ZNF660: variants seen among roughly 807,000 people sequenced by gnomAD.
ZNF660 encodes the protein zinc finger protein 660.
Under a neutral mutation model 23.2 loss-of-function variants are expected in ZNF660, and 24 were observed. That is an observed-to-expected ratio of 1.04 (90% CI 0.75 to 1.46). The LOEUF (loss-of-function observed/expected upper bound fraction) is 1.46, where lower values mean the gene tolerates loss of function less well. ZNF660 is among the 40% of genes most tolerant of loss of function. The probability of loss-of-function intolerance (pLI) is 0.00; values close to 1 mark genes in which losing one functional copy is unlikely to be tolerated. For missense variants in ZNF660, 373 were observed against 396.8 expected, an observed-to-expected ratio of 0.94 and a Z score of 0.51; for synonymous variants, 117 against 131.4, an observed-to-expected ratio of 0.89 and a Z score of 0.75.
Position 44,595,080 on chromosome 3 carries a change from A to C in ZNF660, c.887A>C (p.His296Pro). 1 of 1,614,026 alleles carries C rather than the reference A, an allele frequency of 6.2e-7. No homozygotes were observed. The highest frequency in any genetic ancestry group is 8.5e-7 in the Non-Finnish European group (1 of 1,180,016). ...TSQVILHLRT[H>P]TKEKPYKCSE... The stretch of plus-strand genomic sequence containing the variant: ...CAAGTTATTCTACACTTGAGAACCC[A>C]CACTAAGGAGAAACCCTATAAATGT... Residue 296 changes from histidine (H) to proline (P), a missense_variant, in exon 3 of 3, where the codon CAC (histidine) becomes CCC (proline). By Grantham distance (77) the His-to-Pro change is moderately conservative (BLOSUM62 -2). Coordinates refer to ENST00000322734, the MANE Select transcript of ZNF660 (RefSeq NM_173658.4).
rs1700596434 is a variant in ZNF660, at chr3:44,596,042, T to G, written c.*853T>G. ...TGGAGAACTACCTAGGCTTCATCTT[T>G]TCAACATATGTCTACACAACCAGAA... On this transcript the variant is annotated 3_prime_UTR_variant, in exon 3 of 3. Coordinates refer to ENST00000322734, the MANE Select transcript of ZNF660 (RefSeq NM_173658.4). The G allele has an allele frequency of 6.0e-6, 1 of 166,898 alleles. No homozygotes were observed. The highest frequency in any genetic ancestry group is 2.1e-4 in the South Asian group (1 of 4,832). The allele number at this position is 166,898 out of a possible 1,614,324, so 10.3% of individuals were successfully genotyped here.
chr3:44,585,472 C>T (rs1700199873), intron 1 of ZNF660, among the ~76,000 whole-genome samples: 1 of 152,132 alleles, frequency 6.6e-6, no homozygotes, highest in African/African-American at 2.4e-5. Context: ...GAGCACTAAC[C>T]CAGTAGTGTG....
At chr3:44,588,055 CAGAAAAAAAGAA>C (rs1490655679) in intron 2 of ZNF660, among the ~76,000 whole-genome samples, 1 of 148,494 alleles carries the variant, frequency 6.7e-6, no homozygotes, top group African/African-American at 2.4e-5. Flanking sequence ...AACTTCGTCT[CAGAAAAAAAGAA>C]AGAAAGAAAG....
At position 44,597,415 on chromosome 3, in the gene ZNF660, T is replaced by C. The variant is rs76760855; in HGVS notation, c.*2226T>C. 6.6e-4 allele frequency: 101 copies of C among 152,330 alleles called. No individual in the cohort carries two copies. Among genetic ancestry groups the C allele is most frequent in the African/African-American group, 2.4e-3 (99 of 41,564 alleles). 9.4% of individuals were successfully genotyped at this position (152,330 alleles called of 1,614,324 possible). A position where few individuals can be genotyped will look rare whatever the true frequency, so the allele number is the denominator to read the frequency against. On this transcript the variant is annotated 3_prime_UTR_variant, in exon 3 of 3. Coordinates refer to ENST00000322734, the MANE Select transcript of ZNF660 (RefSeq NM_173658.4). The surrounding 1 kb of genome is among the most constrained non-coding windows in gnomAD (Gnocchi z 4.1). ...TTTTAAGGTATATATATTTCTTTCT[T>C]GCTGTTACCGGAAAGAAAGAAGTGA...
At chr3:44,591,777 C>T (rs941949203) in intron 2 of ZNF660, among the ~76,000 whole-genome samples, 5 of 152,090 alleles carry the variant, frequency 3.3e-5, no homozygotes, top group African/African-American at 4.8e-5. Context: ...GGTGGATCAC[C>T]TGAGGTCAGG....
rs774268726 is a variant in ZNF660, at chr3:44,594,664, C to T, written c.471C>T (p.Thr157=). Residue 157 remains threonine (T), a synonymous_variant, in exon 3 of 3, where the codon ACC becomes ACT. Transcript: ENST00000322734. ...TTATATCACATCACAGAGTTCACAC[C>T]GGAGAGAAGCCCTATTCTTGTATTG... is the stretch of plus-strand genomic sequence containing the variant. ...SGLISHHRVH[T]GEKPYSCIEC... 5.4e-5 allele frequency: 87 copies of T among 1,612,354 alleles called. No homozygotes were observed. The highest frequency in any genetic ancestry group is 3.3e-4 in the Middle Eastern group (2 of 6,062).
In ZNF660 at chr3:44,589,537, G is replaced by C. The variant is rs116514972; in HGVS notation, c.-181+3324G>C. ...AATGTTCTGGGAGGTGGTAGTGGAG[G>C]AACTATGGGAACTAGGGGAAGTGCA... is the stretch of plus-strand genomic sequence containing the variant. On this transcript the variant is annotated intron_variant, in intron 2 of 2. Coordinates refer to ENST00000322734, the MANE Select transcript of ZNF660 (RefSeq NM_173658.4). Among the ~76,000 whole-genome samples the C allele has an allele frequency of 9.3e-3, 1,409 of 152,236 alleles. 26 individuals are homozygous for C. Among genetic ancestry groups the C allele is most frequent in the African/African-American group, 0.033 (1,356 of 41,510 alleles).
At chr3:44,585,821 G>A (rs1184802062) in intron 1 of ZNF660, among the ~76,000 whole-genome samples, 2 of 152,172 alleles carry the variant, frequency 1.3e-5, no homozygotes, top group Non-Finnish European at 2.9e-5. Flanking sequence ...GAATATGGAA[G>A]CTTTTAGATA....
intron 2 of ZNF660, among the ~76,000 whole-genome samples, chr3:44,591,131 T>G (rs1271654228): frequency 6.6e-6 from 1 of 152,070 alleles, no homozygotes; most frequent in Non-Finnish European, 1.5e-5. Flanking sequence ...TGGAAATTGG[T>G]CAAACTTTTT....
chr3:44,586,581 A>C (rs369046613), intron 2 of ZNF660: 1 of 152,170 alleles, frequency 6.6e-6, no homozygotes. Context: ...GACCAGGTCA[A>C]TCTCTTAGGG....
rs1368632548 is a variant in ZNF660, at chr3:44,596,743, GCTTT to G, written c.*1557_*1560del. 1 of 152,172 alleles carries G rather than the reference GCTTT, an allele frequency of 6.6e-6. No homozygotes were observed. Among genetic ancestry groups the G allele is most frequent in the Non-Finnish European group, 1.5e-5 (1 of 68,040 alleles). 9.4% of individuals were successfully genotyped at this position (152,172 alleles called of 1,614,324 possible). On this transcript the variant is annotated 3_prime_UTR_variant, in exon 3 of 3. Coordinates refer to ENST00000322734, the MANE Select transcript of ZNF660 (RefSeq NM_173658.4). The stretch of plus-strand genomic sequence containing the variant: ...ATTGGGAACTGGAAAAGGAGCTGAG[GCTTT>G]CTCATCTGGTTTCTTCCTTTTGTCA...
In ZNF660 at chr3:44,594,207, C is replaced by T; in HGVS notation, c.14C>T (p.Thr5Ile). Residue 5 changes from threonine (T) to isoleucine (I), a missense_variant, in exon 3 of 3, where the codon ACA becomes ATA. Physicochemically the swap from Thr to Ile is moderately conservative, Grantham distance 89 (BLOSUM62 -1). Transcript: ENST00000322734. MRRK[T>I]RNFKHKTVKD... is the part of the protein sequence containing the mutation. ...AAGCAGGAGAAAATGAGGAGAAAGA[C>T]AAGAAATTTCAAACATAAGACAGTT... 1 of 1,613,064 alleles carries T rather than the reference C, an allele frequency of 6.2e-7. No homozygotes were observed. The highest frequency in any genetic ancestry group is 8.5e-7 in the Non-Finnish European group (1 of 1,179,724).
intron 2 of ZNF660, chr3:44,586,849 C>T (rs1700238529): frequency 6.6e-6 from 1 of 152,180 alleles, no homozygotes. Flanking sequence ...GTGGTATCTA[C>T]AGGCAAATCT....
rs1238889879 is a variant in ZNF660 at position 44,595,272 on chromosome 3, A to G, written c.*83A>G. 2 of 1,407,446 alleles carry G rather than the reference A, an allele frequency of 1.4e-6. No individual in the cohort carries two copies. Among genetic ancestry groups the G allele is most frequent in the East Asian group, 4.7e-5 (2 of 42,936 alleles). The allele number at this position is 1,407,446 out of a possible 1,614,324, so 87.2% of individuals were successfully genotyped here. On this transcript the variant is annotated 3_prime_UTR_variant, in exon 3 of 3. Transcript: ENST00000322734. ...AGTATCAACTTTAATTCTACTTCTA[A>G]GAATCATACTCTACTTCTAAGAAAA...
chr3:44,592,330 C>A (rs1700453460), intron 2 of ZNF660, among the ~76,000 whole-genome samples: 1 of 152,076 alleles, frequency 6.6e-6, no homozygotes, highest in Non-Finnish European at 1.5e-5. Context: ...AAGTAGGATG[C>A]AAAATAATAT....
At chr3:44,592,833 C>A (rs1455984883) in intron 2 of ZNF660, among the ~76,000 whole-genome samples, 1 of 152,102 alleles carries the variant, frequency 6.6e-6, no homozygotes, top group African/African-American at 2.4e-5. Context: ...GCAGGTGGAT[C>A]ACGAGGTCAG....
At chr3:44,591,945 TGGA>T (rs1700443083) in intron 2 of ZNF660, among the ~76,000 whole-genome samples, 1 of 151,752 alleles carries the variant, frequency 6.6e-6, no homozygotes, top group African/African-American at 2.4e-5. Flanking sequence ...TTGTAGTGAG[TGGA>T]GATTGAACCA....
chr3:44,593,969 G>T (rs13319803), intron 2 of ZNF660, 45 bp from the exon 3 acceptor site: 1 of 644,094 alleles, frequency 1.6e-6, no homozygotes, highest in East Asian at 3.2e-5. Context: ...CCTTCCTCTG[G>T]TACAGAGAAT....
At chr3:44,593,007 C>T (rs1193235568) in intron 2 of ZNF660, among the ~76,000 whole-genome samples, 2 of 151,262 alleles carry the variant, frequency 1.3e-5, no homozygotes, top group Admixed American at 6.6e-5. Flanking sequence ...GAGCCGAGAT[C>T]GTGCCACTGC....
Sources: gnomAD v4.1 joint callset for allele counts (sites outside exome capture counted in the v4.1 genomes callset) on GRCh38, gnomAD v4.1.1 for gene constraint, Gnocchi (gnomAD v3.1) non-coding constraint, MANE v1.5 for transcripts, NCBI Gene and HGNC (gene_info 2026-07-23, HGNC 2026-07-21) for gene names.